The following DMD variants were observed in gnomAD, a reference collection of about 807,000 sequenced individuals.
DMD encodes the protein mutant dystrophin.
DMD carries 63 observed loss-of-function variants against 330.1 expected under a neutral mutation model. The ratio of observed to expected loss-of-function variants is 0.19; its 90% CI spans 0.16 to 0.24. The LOEUF is 0.24. DMD is among the 10% of genes least tolerant of loss of function. The pLI, the probability that DMD is intolerant of heterozygous loss-of-function variation, is 1.00. For missense variants in DMD, 3,344 were observed against 2,684.1 expected, an observed-to-expected ratio of 1.25 and a Z score of -5.43; for synonymous variants, 1,223 against 959.8, an observed-to-expected ratio of 1.27 and a Z score of -5.07.
chrX:32,399,866 A>G (rs372777003), intron 30 of DMD, among the ~76,000 whole-genome samples: 2 of 111,996 alleles, frequency 1.8e-5, no homozygotes, highest in East Asian at 5.6e-4. Flanking sequence ...GATAAAGAAA[A>G]TATGGTTTTC....
intron 7 of DMD, among the ~76,000 whole-genome samples, chrX:32,773,519 T>TA (rs1557016208): frequency 4.2e-5 from 4 of 95,998 alleles, no homozygotes; most frequent in African/African-American, 1.6e-4. Context: ...ACTTTTTATT[T>TA]TTTTTTTTTT....
chrX:32,863,992 G>A (rs1177041441), intron 2 of DMD, among the ~76,000 whole-genome samples: 1 of 112,486 alleles, frequency 8.9e-6, no homozygotes, highest in Admixed American at 9.4e-5. Flanking sequence ...ATTTAAAGAA[G>A]ATCTTCTGTC....
chrX:32,440,809 G>A (rs888683656), intron 28 of DMD, among the ~76,000 whole-genome samples: 9 of 111,188 alleles, frequency 8.1e-5, no homozygotes, highest in South Asian at 3.7e-4. Flanking sequence ...AATTCAATAC[G>A]TGCAGCTTTT....
chrX:31,338,995 A>G (rs1014416838), intron 61 of DMD, among the ~76,000 whole-genome samples: 3 of 108,211 alleles, frequency 2.8e-5, no homozygotes, highest in Non-Finnish European at 3.8e-5. Context: ...GTATTTGCCA[A>G]TTTCCATGGA....
intron 1 of DMD, among the ~76,000 whole-genome samples, chrX:33,146,727 C>A (rs1434063368): frequency 8.9e-6 from 1 of 111,980 alleles, no homozygotes; most frequent in Non-Finnish European, 1.9e-5. Context: ...TAATTAACAT[C>A]ATTTCAATCC....
At chrX:31,684,014 G>A (rs1005077092) in intron 52 of DMD, among the ~76,000 whole-genome samples, 2 of 111,439 alleles carry the variant, frequency 1.8e-5, no homozygotes, top group African/African-American at 3.3e-5. Flanking sequence ...ACTGGTCTAA[G>A]GTCACATAGA....
intron 1 of DMD, among the ~76,000 whole-genome samples, chrX:33,141,926 T>A (rs986467497): frequency 2.7e-5 from 3 of 112,073 alleles, no homozygotes; most frequent in African/African-American, 9.7e-5. Context: ...CCCAACACTA[T>A]GACAGTACCT....
intron 55 of DMD, among the ~76,000 whole-genome samples, chrX:31,611,824 G>A (rs762298017): frequency 8.1e-5 from 9 of 111,063 alleles, no homozygotes; most frequent in African/African-American, 2.9e-4. Flanking sequence ...GCCTCCCACA[G>A]TTCTGGGATT....
intron 2 of DMD, among the ~76,000 whole-genome samples, chrX:32,886,411 C>A (rs1430927296): frequency 9.0e-6 from 1 of 110,641 alleles, no homozygotes; most frequent in Non-Finnish European, 1.9e-5. Context: ...TGGCTGGGCA[C>A]GGTGGCTCAA....
intron 55 of DMD, among the ~76,000 whole-genome samples, chrX:31,512,182 T>C (rs1345961484): frequency 9.0e-6 from 1 of 110,869 alleles, no homozygotes; most frequent in Non-Finnish European, 1.9e-5. Flanking sequence ...GATGGGGTTG[T>C]TTGTTTTTTT....
chrX:32,293,138 C>T lies in DMD; in HGVS notation c.6118-5437G>A, dbSNP rs2097480765. The stretch of plus-strand genomic sequence containing the variant: ...ATCTGACAGGTCAGGTATTACCATA[C>T]AAAAGAAAGAACAAGCCAACACAGA... On this transcript the variant is annotated intron_variant, in intron 42 of 78. Transcript: ENST00000357033. 4.5e-5 allele frequency among the ~76,000 whole-genome samples: 5 copies of T among 112,237 alleles called. No homozygotes were observed. In the South Asian group the frequency reaches 1.8e-3, roughly 41 times the overall value.
chrX:33,332,405 C>A (rs1220187827), intron 1 of DMD, among the ~76,000 whole-genome samples: 6 of 110,903 alleles, frequency 5.4e-5, no homozygotes, highest in Non-Finnish European at 9.5e-5. Flanking sequence ...TCTGTTGACC[C>A]TAACATATAA....
intron 34 of DMD, among the ~76,000 whole-genome samples, chrX:32,366,103 TG>T (rs2097853601): frequency 1.8e-5 from 2 of 112,139 alleles, no homozygotes; most frequent in South Asian, 7.4e-4. Flanking sequence ...TCCTAAGAGG[TG>T]ATTTATAAAA....
chrX:32,062,685 T>C (rs2096234412), intron 44 of DMD, among the ~76,000 whole-genome samples: 1 of 111,319 alleles, frequency 9.0e-6, no homozygotes, highest in Admixed American at 9.6e-5. Context: ...TAAATGGAAG[T>C]TTTAAAACAA....
intron 28 of DMD, among the ~76,000 whole-genome samples, chrX:32,439,086 A>G (rs139919376): frequency 0.017 from 1,879 of 111,738 alleles, 34 homozygotes; most frequent in African/African-American, 0.057. Context: ...ATGAAAGTGA[A>G]TCTCAGTGTC....
chrX:32,551,747 AAGCTCATTGATCTGATACACAACCTC>A (rs1462544308), intron 16 of DMD, among the ~76,000 whole-genome samples: 2 of 111,607 alleles, frequency 1.8e-5, no homozygotes, highest in East Asian at 5.7e-4. Flanking sequence ...CTCTGCCCAA[AAGCTCATTGATCTGATACACAACCTC>A]AGCAAAGTTT....
chrX:32,702,663 T>G lies in DMD; in HGVS notation c.650-3370A>C, dbSNP rs767817798. 3.6e-5 allele frequency among the ~76,000 whole-genome samples: 4 copies of G among 111,164 alleles called. No individual in the cohort carries two copies. In the South Asian group the frequency reaches 1.1e-3, roughly 31 times the overall value. ...ACAGAATGGATTGCTGGAGGAAAAC[T>G]TGAGAGAAATAGGAGGCTAGGACCA... On this transcript the variant is annotated intron_variant, in intron 7 of 78. Coordinates refer to ENST00000357033, the MANE Select transcript of DMD (RefSeq NM_004006.3).
chrX:32,910,169 C>G (rs944478519), intron 2 of DMD, among the ~76,000 whole-genome samples: 1 of 111,850 alleles, frequency 8.9e-6, no homozygotes, highest in Admixed American at 9.5e-5. Flanking sequence ...TAAACCAAAG[C>G]ACAACAAATG....
Position 31,252,136 on chromosome X carries a change from C to T in DMD, c.9286+8819G>A, listed in dbSNP as rs140286500. On this transcript the variant is annotated intron_variant, in intron 63 of 78. Coordinates refer to ENST00000357033, the MANE Select transcript of DMD (RefSeq NM_004006.3). ...ATTTGGAAGTTACATTTCTATTTTA[C>T]AAATGGGGAAAGTCAATGGATCCTA... is the stretch of plus-strand genomic sequence containing the variant. Among the ~76,000 whole-genome samples, 696 of 112,178 alleles carry T rather than the reference C, an allele frequency of 6.2e-3. 6 individuals are homozygous for T. The highest frequency in any genetic ancestry group is 0.021 in the African/African-American group (659 of 30,960).
Sources: gnomAD v4.1 joint callset for allele counts (sites outside exome capture counted in the v4.1 genomes callset) on GRCh38, gnomAD v4.1.1 for gene constraint, MANE v1.5 for transcripts, NCBI Gene and HGNC (gene_info 2026-07-23, HGNC 2026-07-21) for gene names.